The following SNX18 variants were observed in gnomAD, a reference collection of about 807,000 sequenced individuals.
SNX18 encodes the protein sorting nexin 18, also known as sorting nexin-18.
A neutral mutation model predicts 48.7 loss-of-function variants in SNX18; 35 were observed. The observed-to-expected ratio is 0.72, with a 90% CI of 0.55 to 0.95. The LOEUF (loss-of-function observed/expected upper bound fraction) is 0.95, where lower values mean the gene tolerates loss of function less well. SNX18 is among the 40% of genes least tolerant of loss of function. SNX18 has a pLI of 0.00. For missense variants in SNX18, 824 were observed against 871.0 expected (o/e 0.95, Z 0.68); for synonymous variants, 492 against 384.7 (o/e 1.28, Z -3.26).
chr5:54,563,457 T>C, the SNX18 span, among the ~76,000 whole-genome samples: 1 of 152,242 alleles, frequency 6.6e-6, no homozygotes, highest in Non-Finnish European at 1.5e-5. Flanking sequence ...TACAGTAACA[T>C]GCTGCACAGG....
intron 1 of SNX18, among the ~76,000 whole-genome samples, chr5:54,525,841 T>G (rs1284772201): frequency 6.6e-6 from 1 of 152,212 alleles, no homozygotes; most frequent in Non-Finnish European, 1.5e-5. Context: ...ATTTTAATAG[T>G]GTTCTCTGTC....
the SNX18 span, among the ~76,000 whole-genome samples, chr5:54,569,958 T>C: frequency 1.3e-5 from 2 of 152,212 alleles, no homozygotes; most frequent in South Asian, 4.1e-4. Context: ...TTTTTATATA[T>C]ATAACATGGA....
chr5:54,646,822 G>A, the SNX18 span, among the ~76,000 whole-genome samples: 3 of 152,150 alleles, frequency 2.0e-5, no homozygotes, highest in African/African-American at 7.2e-5. Context: ...AAATGCAAGA[G>A]GAAGTGCCCT....
At position 54,519,445 on chromosome 5, in the gene SNX18, A is replaced by G. The variant is rs1240684048; in HGVS notation, c.1493A>G (p.Asp498Gly). The G allele has an allele frequency of 1.2e-6, 2 of 1,614,066 alleles. No homozygotes were observed. Among genetic ancestry groups the G allele is most frequent in the Non-Finnish European group, 8.5e-7 (1 of 1,180,026 alleles). ...AACCAGGCTATCGCCTTCACCGGAG[A>G]TGCCTATGACGCCATTGGCGAGCTC... ...GLNQAIAFTG[D>G]AYDAIGELFA... is the part of the protein sequence containing the mutation. The change falls in exon 1 of 2, where the codon GAT (aspartate) becomes GGT (glycine). Residue 498 changes from aspartate to glycine, a missense_variant. Transcript: ENST00000381410.
At chr5:54,610,701 C>T in the SNX18 span, among the ~76,000 whole-genome samples, 3 of 152,196 alleles carry the variant, frequency 2.0e-5, no homozygotes, top group Admixed American at 2.0e-4. Flanking sequence ...TCTTCCTCTG[C>T]CAGCAGAAGA....
the SNX18 span, among the ~76,000 whole-genome samples, chr5:54,591,546 G>A: frequency 2.0e-4 from 31 of 152,248 alleles, no homozygotes; most frequent in East Asian, 3.1e-3. Context: ...AGGGAAGGTG[G>A]GCAGGAAAGC....
intron 1 of SNX18, among the ~76,000 whole-genome samples, chr5:54,529,182 A>G (rs1762204196): frequency 1.3e-5 from 2 of 152,256 alleles, no homozygotes; most frequent in South Asian, 4.1e-4. Context: ...TATTGGGGGC[A>G]GTGTCCGTGG....
At chr5:54,630,131 C>T in the SNX18 span, among the ~76,000 whole-genome samples, 3 of 152,206 alleles carry the variant, frequency 2.0e-5, no homozygotes, top group African/African-American at 7.2e-5. Flanking sequence ...TCAGGTCCCA[C>T]CTCTGCAGTG....
the SNX18 span, among the ~76,000 whole-genome samples, chr5:54,625,469 G>C: frequency 1.3e-5 from 2 of 152,162 alleles, no homozygotes; most frequent in Admixed American, 6.6e-5. Flanking sequence ...TGTGCCACTT[G>C]GATTTTTCCA....
chr5:54,517,903 C>G lies in SNX18; in HGVS notation c.-50C>G. ...AGTACCGCGGGCCCCTCAGGTGGGC[C>G]TCGGCTCGGGACGCCGGGAGTCGGG... On this transcript the variant is annotated 5_prime_UTR_variant, in exon 1 of 2. Coordinates refer to ENST00000381410, the MANE Select transcript of SNX18 (RefSeq NM_001102575.2). The G allele has an allele frequency of 6.9e-7, 1 of 1,456,384 alleles. No individual in the cohort carries two copies. The highest frequency in any genetic ancestry group is 9.0e-7 in the Non-Finnish European group (1 of 1,111,508). The allele number at this position is 1,456,384 out of a possible 1,614,324, so 90.2% of individuals were successfully genotyped here.
the SNX18 span, among the ~76,000 whole-genome samples, chr5:54,595,591 T>C: frequency 1.3e-5 from 2 of 152,210 alleles, no homozygotes; most frequent in African/African-American, 4.8e-5. Flanking sequence ...TAAACTAATT[T>C]ACATTCCCAC....
chr5:54,547,750 C>CT (rs1762597197), downstream of SNX18, among the ~76,000 whole-genome samples: 1 of 152,188 alleles, frequency 6.6e-6, no homozygotes, highest in African/African-American at 2.4e-5. Flanking sequence ...TTCTCTCCAA[C>CT]TTTCACCTCC....
At chr5:54,557,978 C>T in the SNX18 span, among the ~76,000 whole-genome samples, 1 of 152,140 alleles carries the variant, frequency 6.6e-6, no homozygotes, top group Non-Finnish European at 1.5e-5. Flanking sequence ...AGGCAATCCT[C>T]CTGCCTTGGC....
the SNX18 span, among the ~76,000 whole-genome samples, chr5:54,638,965 G>C: frequency 2.8e-4 from 43 of 152,170 alleles, 1 homozygote; most frequent in African/African-American, 9.4e-4. Context: ...TCAGACATAA[G>C]GTCTCTTTTA....
the SNX18 span, among the ~76,000 whole-genome samples, chr5:54,638,074 A>T: frequency 6.6e-6 from 1 of 152,174 alleles, no homozygotes; most frequent in Non-Finnish European, 1.5e-5. Flanking sequence ...AGTAGTCACC[A>T]AGGTGCGGGC....
chr5:54,619,959 A>G, the SNX18 span, among the ~76,000 whole-genome samples: 8 of 152,338 alleles, frequency 5.3e-5, no homozygotes, highest in Admixed American at 4.6e-4. Flanking sequence ...CAGCTAAAGT[A>G]AGCATGTGAA....
At position 54,545,883 on chromosome 5, in the gene SNX18, T is replaced by C. The variant is rs1306638487; in HGVS notation, c.*2451T>C. ...TGCCCTTCATGCCATTATTTGTCTTTATTTCTATGATTTATAATCCTGATA... is the reference window on the plus strand; with the variant it reads ...TGCCCTTCATGCCATTATTTGTCTTCATTTCTATGATTTATAATCCTGATA... On this transcript the variant is annotated 3_prime_UTR_variant, in exon 2 of 2. Transcript: ENST00000381410. 1 of 152,120 alleles carries C rather than the reference T, an allele frequency of 6.6e-6. No individual in the cohort carries two copies. The highest frequency in any genetic ancestry group is 1.5e-5 in the Non-Finnish European group (1 of 68,044). 9.4% of individuals were successfully genotyped at this position (152,120 alleles called of 1,614,324 possible). A position where few individuals can be genotyped will look rare whatever the true frequency, so the allele number is the denominator to read the frequency against.
intron 1 of SNX18, chr5:54,519,847 A>T (rs1761982816): frequency 1.3e-6 from 2 of 1,581,424 alleles, no homozygotes; most frequent in Non-Finnish European, 1.7e-6. Context: ...TAGAGTTTGA[A>T]TAGTTGAGTA....
the SNX18 span, among the ~76,000 whole-genome samples, chr5:54,633,944 G>A: frequency 6.6e-6 from 1 of 152,290 alleles, no homozygotes; most frequent in Admixed American, 6.5e-5. Context: ...AACACACGAA[G>A]TATTATGAAC....
Sources: gnomAD v4.1 joint callset for allele counts (sites outside exome capture counted in the v4.1 genomes callset) on GRCh38, gnomAD v4.1.1 for gene constraint, MANE v1.5 for transcripts, NCBI Gene and HGNC (gene_info 2026-07-23, HGNC 2026-07-21) for gene names.